Variants in TXNRD1 observed in about 807,000 individuals in gnomAD.
The protein encoded by TXNRD1 is thioredoxin reductase 1, cytoplasmic.
Under a neutral mutation model 80.3 loss-of-function variants are expected in TXNRD1, and 57 were observed. That is an observed-to-expected ratio of 0.71 (90% confidence interval 0.57 to 0.89). The LOEUF (loss-of-function observed/expected upper bound fraction) is 0.89. Ranked by LOEUF, TXNRD1 falls within the 40% of genes least tolerant of loss-of-function variation. TXNRD1 has a pLI of 0.00. For synonymous variants in TXNRD1, 291 were observed against 285.2 expected (o/e 1.02, Z -0.20); for missense variants, 730 against 803.0 (o/e 0.91, Z 1.10).
chr12:104,246,168 C>T (rs1481829618), intron 1 of TXNRD1, among the ~76,000 whole-genome samples: 1 of 146,756 alleles, frequency 6.8e-6, no homozygotes, highest in Non-Finnish European at 1.5e-5. Context: ...TGGCTCACAC[C>T]TGTAATCCCA....
At chr12:104,234,348 GCAGTGGCATGATCT>G (rs2032687778) in intron 1 of TXNRD1, among the ~76,000 whole-genome samples, 1 of 152,154 alleles carries the variant, frequency 6.6e-6, no homozygotes, top group Non-Finnish European at 1.5e-5. Context: ...AGGCTGGAGT[GCAGTGGCATGATCT>G]CAGCTCACTG....
At chr12:104,305,959 A>G (rs2034897070) in intron 4 of TXNRD1, among the ~76,000 whole-genome samples, 1 of 151,530 alleles carries the variant, frequency 6.6e-6, no homozygotes, top group South Asian at 2.1e-4. Flanking sequence ...GCTGGGGTGC[A>G]GTGGTGCAAT....
chr12:104,339,713 A>G (rs1237129553), intron 16 of TXNRD1, among the ~76,000 whole-genome samples: 1 of 152,206 alleles, frequency 6.6e-6, no homozygotes, highest in Non-Finnish European at 1.5e-5. Flanking sequence ...AAATTGACCA[A>G]TCTAGGCCTC....
Position 104,325,320 on chromosome 12 carries a change from C to G in TXNRD1, c.1216-17C>G, listed in dbSNP as rs775354996. Reference sequence around the variant, plus strand: ...TAAATGTCTTTATTTCACAGTAAAACTTTATCACTCTTACAGGTTGAACAA... The same window carrying G: ...TAAATGTCTTTATTTCACAGTAAAAGTTTATCACTCTTACAGGTTGAACAA... On this transcript the variant is annotated splice_polypyrimidine_tract_variant and intron_variant, in intron 10 of 16. Transcript: ENST00000525566. The G allele has an allele frequency of 6.3e-6, 10 of 1,590,654 alleles. No individual in the cohort carries two copies. The African/African-American group carries it at 1.3e-4, about 21-fold the overall frequency.
At chr12:104,274,878 C>T (rs1022450878) in intron 3 of TXNRD1, among the ~76,000 whole-genome samples, 1 of 151,990 alleles carries the variant, frequency 6.6e-6, no homozygotes, top group Non-Finnish European at 1.5e-5. Flanking sequence ...TGGAATGGAG[C>T]CTGTACCTCT....
At chr12:104,283,031 A>G (rs1177665067) in intron 3 of TXNRD1, 1 of 152,118 alleles carries the variant, frequency 6.6e-6, no homozygotes, top group African/African-American at 2.4e-5. Context: ...ACAACAATGC[A>G]TTTGTATGAT....
Position 104,301,482 on chromosome 12 carries a change from C to T in TXNRD1, c.415-9808C>T, listed in dbSNP as rs368566506. On this transcript the variant is annotated intron_variant, in intron 4 of 16. Coordinates refer to ENST00000525566, the MANE Select transcript of TXNRD1 (RefSeq NM_001093771.3). ...CCTCCAGAGTAGCTGGGACTACAGG[C>T]GCCTGCAACCACGCCCGGCTAATTT... is the stretch of plus-strand genomic sequence containing the variant. 7.9e-4 allele frequency among the ~76,000 whole-genome samples: 120 copies of T among 152,252 alleles called. 1 individual carries two copies. Among genetic ancestry groups the T allele is most frequent in the South Asian group, 5.6e-3 (27 of 4,824 alleles).
intron 1 of TXNRD1, among the ~76,000 whole-genome samples, chr12:104,226,819 AT>A (rs1443209360): frequency 2.7e-4 from 41 of 152,288 alleles, no homozygotes; most frequent in African/African-American, 9.4e-4. Context: ...GCATTTTTGG[AT>A]TCCACAATAG....
At chr12:104,245,906 G>A (rs184817388) in intron 1 of TXNRD1, among the ~76,000 whole-genome samples, 2 of 151,738 alleles carry the variant, frequency 1.3e-5, no homozygotes, top group Admixed American at 6.6e-5. Context: ...TCAGGAGTTC[G>A]AGACCAGCCT....
intron 2 of TXNRD1, among the ~76,000 whole-genome samples, chr12:104,256,865 G>A (rs953931874): frequency 1.3e-5 from 2 of 151,114 alleles, no homozygotes; most frequent in African/African-American, 4.9e-5. Context: ...TTATCAAAAT[G>A]TTGAATTTGG....
At chr12:104,343,126 G>C (rs1034700971) in intron 16 of TXNRD1, among the ~76,000 whole-genome samples, 2 of 152,210 alleles carry the variant, frequency 1.3e-5, no homozygotes, top group Non-Finnish European at 2.9e-5. Flanking sequence ...GCTGGGTACT[G>C]TGTCCCTGCC....
intron 15 of TXNRD1, among the ~76,000 whole-genome samples, chr12:104,334,792 C>G (rs2036076893): frequency 6.6e-6 from 1 of 152,172 alleles, no homozygotes; most frequent in African/African-American, 2.4e-5. Context: ...GCTGCACTGC[C>G]TGCTGCCCCC....
intron 3 of TXNRD1, among the ~76,000 whole-genome samples, chr12:104,273,046 G>A (rs1047955727): frequency 2.0e-5 from 3 of 152,064 alleles, no homozygotes; most frequent in African/African-American, 4.8e-5. Flanking sequence ...CTGCGGCTGC[G>A]AAAGAAGCCG....
At chr12:104,321,360 TA>T in intron 10 of TXNRD1, 44 bp downstream of exon 10, 1 of 1,521,532 alleles carries the variant, frequency 6.6e-7, no homozygotes, top group Middle Eastern at 1.8e-4. Flanking sequence ...ACATTCACAG[TA>T]AAAGGCAAAA....
At chr12:104,298,955 A>G (rs1407941672) in intron 4 of TXNRD1, among the ~76,000 whole-genome samples, 2 of 152,160 alleles carry the variant, frequency 1.3e-5, no homozygotes, top group Non-Finnish European at 2.9e-5. Flanking sequence ...CGGTATCTTC[A>G]GGGGATTGGT....
At chr12:104,270,478 A>G (rs1565871515) in intron 3 of TXNRD1, among the ~76,000 whole-genome samples, 1 of 152,174 alleles carries the variant, frequency 6.6e-6, no homozygotes, top group Non-Finnish European at 1.5e-5. Context: ...ATAGGTCTCA[A>G]CAGTGGGCTT....
intron 3 of TXNRD1, among the ~76,000 whole-genome samples, chr12:104,267,516 TCTTTC>T (rs546987650): frequency 2.2e-3 from 333 of 151,548 alleles, no homozygotes; most frequent in African/African-American, 7.1e-3. Flanking sequence ...TTCCTTTCCT[TCTTTC>T]CTTTCCTTTC....
intron 5 of TXNRD1, 24 bp from the exon 6 acceptor site, chr12:104,313,221 C>T (rs1304255057): frequency 6.4e-7 from 1 of 1,550,906 alleles, no homozygotes; most frequent in Non-Finnish European, 8.7e-7. Context: ...CTTTCCAACT[C>T]ACTTTAATAA....
intron 10 of TXNRD1, 101 bp from the exon 11 acceptor site, chr12:104,325,236 T>G: frequency 1.2e-6 from 1 of 862,816 alleles, no homozygotes; most frequent in East Asian, 2.7e-5. Context: ...TCAAGCACGA[T>G]TTTATATTTT....
Sources: gnomAD v4.1 joint callset for allele counts (sites outside exome capture counted in the v4.1 genomes callset) on GRCh38, gnomAD v4.1.1 for gene constraint, MANE v1.5 for transcripts, NCBI Gene and HGNC (gene_info 2026-07-23, HGNC 2026-07-21) for gene names.